Variants in USP33 observed in about 807,000 individuals in gnomAD.
USP33 encodes ubiquitin specific peptidase 33.
A neutral mutation model predicts 124.2 loss-of-function variants in USP33; 46 were observed. The ratio of observed to expected loss-of-function variants is 0.37; its 90% CI spans 0.29 to 0.47. USP33 has a LOEUF of 0.47. USP33 is among the 20% of genes least tolerant of loss of function. The pLI, the probability that USP33 is intolerant of heterozygous loss-of-function variation, is 0.99. For missense variants in USP33, 851 were observed against 1,070.6 expected, an observed-to-expected ratio of 0.79 and a Z score of 2.86; for synonymous variants, 350 against 352.3, an observed-to-expected ratio of 0.99 and a Z score of 0.07.
chr1:77,714,309 A>G (rs1675625194), intron 19 of USP33, among the ~76,000 whole-genome samples: 1 of 152,228 alleles, frequency 6.6e-6, no homozygotes, highest in South Asian at 2.1e-4. Context: ...CTGTTTATGT[A>G]TCTTACTCTA....
intron 1 of USP33, chr1:77,759,222 C>G (rs1016845295): frequency 2.1e-4 from 39 of 183,874 alleles, no homozygotes; most frequent in Non-Finnish European, 3.9e-4. Flanking sequence ...TCAACAGCGC[C>G]GAAAAGCGAA....
At chr1:77,735,996 A>G (rs1645777856) in intron 6 of USP33, 60 bp downstream of exon 6, 2 of 1,244,110 alleles carry the variant, frequency 1.6e-6, no homozygotes, top group Non-Finnish European at 2.2e-6. Flanking sequence ...TTTACATTAT[A>G]TGGTTTTCTA....
At position 77,717,983 on chromosome 1, in the gene USP33, T is replaced by C. The variant is rs767822989; in HGVS notation, c.1802A>G (p.His601Arg). The C allele has an allele frequency of 1.4e-5, 23 of 1,613,822 alleles. No individual in the cohort carries two copies. The highest frequency in any genetic ancestry group is 1.7e-5 in the Non-Finnish European group (20 of 1,179,914). Residue 601 changes from histidine (H) to arginine (R), a missense_variant, in exon 17 of 24, where the codon CAT becomes CGT. Physicochemically the swap from His to Arg is conservative, Grantham distance 29. Around this residue, in one of 4 missense-constraint regions of USP33, gnomAD observed 281 missense variants for 425.0 expected, o/e 0.66. Transcript: ENST00000370794. ...ELMFSTKIST[H>R]VSFPLEGLDL... is the part of the protein sequence containing the mutation. The stretch of plus-strand genomic sequence containing the variant: ...CAAGCCTTCTAGCGGAAATGAAACA[T>C]GGGTACTGATTTTGGTGGAAAACAT...
At chr1:77,733,438 T>C (rs1364787420) in intron 7 of USP33, among the ~76,000 whole-genome samples, 1 of 151,880 alleles carries the variant, frequency 6.6e-6, no homozygotes, top group Non-Finnish European at 1.5e-5. Flanking sequence ...AGATGTGTTC[T>C]CTGATCACTT....
Position 77,759,742 on chromosome 1 carries a change from G to A in USP33, c.-151C>T, listed in dbSNP as rs1460165407. 2.5e-6 allele frequency: 1 copy of A among 398,144 alleles called. No individual in the cohort carries two copies. The highest frequency in any genetic ancestry group is 4.4e-5 in the Admixed American group (1 of 22,716). The allele number at this position is 398,144 out of a possible 1,614,324, so 24.7% of individuals were successfully genotyped here. ...TTTCCTTCTCAGCTCTCGGAGAGGG[G>A]CAGTGTCGCGTCAGGAGGGCCGGAA... On this transcript the variant is annotated 5_prime_UTR_variant, in exon 1 of 24. Coordinates refer to ENST00000370794, the MANE Select transcript of USP33 (RefSeq NM_201624.3).
intron 7 of USP33, 135 bp downstream of exon 7, chr1:77,734,212 G>T: frequency 1.5e-6 from 1 of 677,076 alleles, no homozygotes; most frequent in Non-Finnish European, 2.5e-6. Context: ...GTTGGGACAA[G>T]AATGGGTTAT....
rs751036987 is a variant in USP33 at position 77,729,847 on chromosome 1, G to A, written c.717+13C>T. The A allele has an allele frequency of 1.9e-6, 3 of 1,607,682 alleles. No individual in the cohort carries two copies. The highest frequency in any genetic ancestry group is 2.2e-5 in the South Asian group (2 of 89,266). Reference sequence around the variant, plus strand: ...TTTAGATTAAAATTACAAATGAAAAGCAATAAACTAACCTGCTGAGAATAC... The same window carrying A: ...TTTAGATTAAAATTACAAATGAAAAACAATAAACTAACCTGCTGAGAATAC... On this transcript the variant is annotated intron_variant, in intron 9 of 23. Coordinates refer to ENST00000370794, the MANE Select transcript of USP33 (RefSeq NM_201624.3).
At chr1:77,754,026 C>A (rs1680581925) in intron 1 of USP33, among the ~76,000 whole-genome samples, 1 of 152,014 alleles carries the variant, frequency 6.6e-6, no homozygotes, top group African/African-American at 2.4e-5. Context: ...CTTTTCTGTG[C>A]AACTTGAGAA....
At chr1:77,711,283 T>A (rs1370678000) in intron 21 of USP33, among the ~76,000 whole-genome samples, 2 of 151,582 alleles carry the variant, frequency 1.3e-5, no homozygotes, top group Non-Finnish European at 2.9e-5. Flanking sequence ...ATCCCAGTAC[T>A]TTGTGGGGCC....
At chr1:77,750,016 A>G (rs555157738) in intron 1 of USP33, among the ~76,000 whole-genome samples, 1 of 152,356 alleles carries the variant, frequency 6.6e-6, no homozygotes, top group African/African-American at 2.4e-5. Context: ...CATTATCTAA[A>G]CAATTTAATA....
Position 77,759,681 on chromosome 1 carries a change from A to G in USP33, c.-90T>C, listed in dbSNP as rs1030461657. ...CCCGCGGGACCCGCCAGCTCGACCA[A>G]CAACGGCCTGCAGCCGCACCTCCGC... On this transcript the variant is annotated 5_prime_UTR_variant, in exon 1 of 24. Coordinates refer to ENST00000370794, the MANE Select transcript of USP33 (RefSeq NM_201624.3). 10 of 398,980 alleles carry G rather than the reference A, an allele frequency of 2.5e-5. No individual in the cohort carries two copies. Among genetic ancestry groups the G allele is most frequent in the Admixed American group, 1.3e-4 (3 of 22,710 alleles). 24.7% of individuals were successfully genotyped at this position (398,980 alleles called of 1,614,324 possible).
intron 1 of USP33, among the ~76,000 whole-genome samples, chr1:77,752,765 A>T (rs1680450727): frequency 6.6e-6 from 1 of 152,192 alleles, no homozygotes; most frequent in African/African-American, 2.4e-5. Flanking sequence ...TTAAAGAAAA[A>T]TTAAACTATT....
intron 15 of USP33, among the ~76,000 whole-genome samples, chr1:77,719,144 A>G (rs1676272472): frequency 6.7e-6 from 1 of 150,274 alleles, no homozygotes. Flanking sequence ...GCCGATCATA[A>G]GGTCAGGAGA....
At chr1:77,703,786 T>C (rs933321183) in intron 21 of USP33, among the ~76,000 whole-genome samples, 3 of 152,176 alleles carry the variant, frequency 2.0e-5, no homozygotes, top group Non-Finnish European at 2.9e-5. Context: ...CATGGCACAG[T>C]GGCTCACTTG....
Position 77,739,363 on chromosome 1 carries a change from C to T in USP33, c.253G>A (p.Ala85Thr). ...TCCAAAAATACTTCTTTGCTGCAAG[C>T]ATAACACCATACTCGAAGAGTGGTA... is the stretch of plus-strand genomic sequence containing the variant. ...NLTTLRVWCY[A>T]CSKEVFLDRK... The change falls in exon 5 of 24, where the codon GCT becomes ACT. Residue 85 changes from alanine (A) to threonine (T), a missense_variant. Around this residue, in one of 4 missense-constraint regions of USP33, gnomAD observed 221 missense variants for 302.9 expected, o/e 0.73. Coordinates refer to ENST00000370794, the MANE Select transcript of USP33 (RefSeq NM_201624.3). 6.2e-7 allele frequency: 1 copy of T among 1,613,758 alleles called. No homozygotes were observed. The highest frequency in any genetic ancestry group is 2.2e-5 in the East Asian group (1 of 44,828).
chr1:77,754,393 C>A (rs920943256), intron 1 of USP33, among the ~76,000 whole-genome samples: 1 of 151,806 alleles, frequency 6.6e-6, no homozygotes, highest in Admixed American at 6.6e-5. Flanking sequence ...AAAAGCAAGC[C>A]AAAAAAACTG....
rs752629046 is a variant in USP33 at position 77,739,285 on chromosome 1, T to C, written c.331A>G (p.Ile111Val). 5.0e-6 allele frequency: 8 copies of C among 1,613,018 alleles called. No homozygotes were observed. In the East Asian group the frequency reaches 1.6e-4, roughly 31 times the overall value. Reference sequence around the variant, plus strand: ...ATTACCTGGACACTGTTTTCTTGTATTTGGTGAGGTTGTCTTACATGAGGC... The same window carrying C: ...ATTACCTGGACACTGTTTTCTTGTACTTGGTGAGGTTGTCTTACATGAGGC... ...SLPHVRQPHQ[I>V]QENSVQDFKI... The change falls in exon 5 of 24, where the codon ATA (isoleucine) becomes GTA (valine). Residue 111 changes from isoleucine (I) to valine (V), a missense_variant. Transcript: ENST00000370794.
chr1:77,742,949 T>G (rs1679299376), intron 1 of USP33, among the ~76,000 whole-genome samples: 2 of 151,324 alleles, frequency 1.3e-5, no homozygotes. Flanking sequence ...TTTATTTATT[T>G]ATTTATTTTT....
intron 7 of USP33, among the ~76,000 whole-genome samples, chr1:77,733,840 A>G (rs1221663173): frequency 6.6e-6 from 1 of 152,178 alleles, no homozygotes; most frequent in Non-Finnish European, 1.5e-5. Context: ...AATTTAATCC[A>G]AGGGAAAGGG....
Sources: gnomAD v4.1 joint callset for allele counts (sites outside exome capture counted in the v4.1 genomes callset) on GRCh38, gnomAD v4.1.1 for gene constraint, gnomAD v4.1.1 regional missense constraint, MANE v1.5 for transcripts, NCBI Gene and HGNC (gene_info 2026-07-23, HGNC 2026-07-21) for gene names.